MYO18A: variants seen among roughly 807,000 people sequenced by gnomAD.
MYO18A encodes myosin XVIIIA, also known as unconventional myosin-XVIIIa.
In MYO18A, 78 loss-of-function variants were observed where a neutral mutation model predicts 235.8. The ratio of observed to expected loss-of-function variants is 0.33; its 90% CI spans 0.28 to 0.40. The LOEUF (loss-of-function observed/expected upper bound fraction) is 0.40, where lower values mean the gene tolerates loss of function less well. Among genes scored for constraint, MYO18A ranks in the 10% least tolerant of loss-of-function variants. The pLI, the probability that MYO18A is intolerant of heterozygous loss-of-function variation, is 1.00. For missense variants in MYO18A, 2,215 were observed against 2,699.3 expected (o/e 0.82, Z 3.98); for synonymous variants, 977 against 1,077.8 (o/e 0.91, Z 1.83).
chr17:29,079,951 G>A (rs1466529347), intron 41 of MYO18A: 3 of 985,986 alleles, frequency 3.0e-6, no homozygotes, highest in Non-Finnish European at 3.6e-6. Flanking sequence ...CTTTCTTCTC[G>A]ACTTGGACTT....
chr17:29,127,483 C>T (rs2067350372), intron 2 of MYO18A, among the ~76,000 whole-genome samples: 1 of 152,184 alleles, frequency 6.6e-6, no homozygotes, highest in African/African-American at 2.4e-5. Flanking sequence ...AGCCCAGATC[C>T]CTGACTTGAG....
intron 2 of MYO18A, among the ~76,000 whole-genome samples, chr17:29,141,853 T>TG (rs371775970): frequency 3.3e-5 from 5 of 152,348 alleles, no homozygotes; most frequent in African/African-American, 1.2e-4. Flanking sequence ...CTGGGGAACT[T>TG]GAAAAAAATA....
At chr17:29,087,805 A>G (rs2066292442) in intron 37 of MYO18A, among the ~76,000 whole-genome samples, 3 of 151,724 alleles carry the variant, frequency 2.0e-5, no homozygotes, top group South Asian at 2.1e-4. Context: ...TTAACATCCT[A>G]TGAGTCTAAA....
intron 1 of MYO18A, among the ~76,000 whole-genome samples, chr17:29,169,673 G>A (rs1203673457): frequency 2.0e-5 from 3 of 152,136 alleles, no homozygotes; most frequent in African/African-American, 7.2e-5. Flanking sequence ...GATAACTCCA[G>A]GGGCACTTGT....
chr17:29,109,708 G>T lies in MYO18A; in HGVS notation c.3331+150C>A. ...AAATGGACAAAGGGGCTGTGGGCTG[G>T]GAGAGATGAGGAGAGACCAGAGCAG... On this transcript the variant is annotated intron_variant, in intron 19 of 41. Transcript: ENST00000527372. This position sits in a 1 kb window ranked among gnomAD's most constrained non-coding sequence, Gnocchi z 4.1. 1.0e-6 allele frequency: 1 copy of T among 993,516 alleles called. No individual in the cohort carries two copies. The highest frequency in any genetic ancestry group is 1.5e-6 in the Non-Finnish European group (1 of 679,500). 61.5% of individuals were successfully genotyped at this position (993,516 alleles called of 1,614,324 possible).
chr17:29,115,514 C>T, intron 12 of MYO18A, 73 bp from the exon 13 acceptor site: 1 of 1,548,566 alleles, frequency 6.5e-7, no homozygotes, highest in Admixed American at 1.9e-5. Flanking sequence ...CTGACCTGCC[C>T]AGGGCCCAGT....
intron 20 of MYO18A, among the ~76,000 whole-genome samples, chr17:29,105,942 T>G (rs1598310310): frequency 6.6e-6 from 1 of 151,870 alleles, no homozygotes; most frequent in African/African-American, 2.4e-5. Flanking sequence ...GCAGGCCAGG[T>G]GCTGCGGGAG....
rs137977217 is a variant in MYO18A at position 29,150,248 on chromosome 17, T to C, written c.999+15694A>G. Among the ~76,000 whole-genome samples the C allele has an allele frequency of 4.2e-3, 635 of 152,326 alleles. 3 individuals are homozygous for C. Among genetic ancestry groups the C allele is most frequent in the African/African-American group, 0.014 (595 of 41,566 alleles). Reference sequence around the variant, plus strand: ...GAAGTAAAAAATAAAGCACAAACCCTATGTCCATAGAAACAGGAAGAAGCA... The same window carrying C: ...GAAGTAAAAAATAAAGCACAAACCCCATGTCCATAGAAACAGGAAGAAGCA... On this transcript the variant is annotated intron_variant, in intron 2 of 41. Coordinates refer to ENST00000527372, the MANE Select transcript of MYO18A (RefSeq NM_078471.4).
chr17:29,083,523 C>T (rs60069424), intron 40 of MYO18A, among the ~76,000 whole-genome samples: 2,338 of 65,338 alleles, frequency 0.036, 88 homozygotes, highest in African/African-American at 0.15. Context: ...GGCATGTGTG[C>T]GCGCGCGCGC....
Position 29,111,740 on chromosome 17 carries a change from G to C in MYO18A, c.2722C>G (p.Gln908Glu). The C allele has an allele frequency of 6.2e-7, 1 of 1,613,616 alleles. No individual in the cohort carries two copies. Among genetic ancestry groups the C allele is most frequent in the Non-Finnish European group, 8.5e-7 (1 of 1,179,722 alleles). ...CACCTACCTTTTTTGTCACCTTCCT[G>C]GGGGCCATAATAGGAGAAAAGGCGC... The part of the protein sequence containing the change: ...LERLFSYYGP[Q>E]EGDKKGQSPL... Residue 908 changes from glutamine to glutamate, a missense_variant, in exon 16 of 42, where the codon CAG becomes GAG. Gln to Glu is a conservative substitution (Grantham distance 29, BLOSUM62 2). Coordinates refer to ENST00000527372, the MANE Select transcript of MYO18A (RefSeq NM_078471.4). The surrounding 1 kb of genome is among the most constrained non-coding windows in gnomAD (Gnocchi z 5.1).
chr17:29,165,969 G>C lies in MYO18A; in HGVS notation c.972C>G (p.Gly324=), dbSNP rs375495926. ...SELSRSWLRS[G]EGPRREPSDA... ...CGGATGGCTCCCTGCGAGGTCCCTC[G>C]CCGCTCCGCAGCCAGCTCCTGCTGA... The change falls in exon 2 of 42, where the codon GGC becomes GGG. Residue 324 remains glycine, a synonymous_variant. Coordinates refer to ENST00000527372, the MANE Select transcript of MYO18A (RefSeq NM_078471.4). The C allele has an allele frequency of 7.4e-6, 12 of 1,613,230 alleles. No individual in the cohort carries two copies. The Admixed American group carries it at 1.2e-4, about 16-fold the overall frequency.
intron 7 of MYO18A, 57 bp from the exon 8 acceptor site, chr17:29,119,492 C>T (rs547298058): frequency 2.2e-6 from 3 of 1,341,812 alleles, no homozygotes; most frequent in Admixed American, 2.0e-5. Context: ...AAGTTTCTCC[C>T]ACCCCACATA....
chr17:29,098,815 C>G lies in MYO18A; in HGVS notation c.3780+11G>C. ...TACCCAGAGACTTGGCCCTCTCAGG[C>G]TGTCACATACGTCTTTGTTCCGGAT... On this transcript the variant is annotated intron_variant, in intron 23 of 41. Coordinates refer to ENST00000527372, the MANE Select transcript of MYO18A (RefSeq NM_078471.4). 1 of 1,613,878 alleles carries G rather than the reference C, an allele frequency of 6.2e-7. No individual in the cohort carries two copies. The highest frequency in any genetic ancestry group is 1.3e-5 in the African/African-American group (1 of 75,054).
rs576069914 is a variant in MYO18A, at chr17:29,105,150, C to T, written c.3442-1486G>A. On this transcript the variant is annotated intron_variant, in intron 20 of 41. Coordinates refer to ENST00000527372, the MANE Select transcript of MYO18A (RefSeq NM_078471.4). The stretch of plus-strand genomic sequence containing the variant: ...TGGCGCCACTGCACTCCAGCTTGGG[C>T]GACAGAACGAGACTCTGTCTCAAAA... Among the ~76,000 whole-genome samples the T allele has an allele frequency of 8.7e-5, 11 of 127,120 alleles. No individual in the cohort carries two copies. The South Asian group carries it at 1.4e-3, about 16-fold the overall frequency. 83.4% of individuals were successfully genotyped at this position (127,120 alleles called of 152,430 possible).
rs991324995 is a variant in MYO18A, at chr17:29,107,172, C to T, written c.3349G>A (p.Val1117Met). Reference sequence around the variant, plus strand: ...AAGCGGCGGCGGAACTCGGAAAACACCATGTGGTCAGGGTAACCTAGAGAG... The same window carrying T: ...AAGCGGCGGCGGAACTCGGAAAACATCATGTGGTCAGGGTAACCTAGAGAG... ...MYRQGYPDHM[V>M]FSEFRRRFDV... The change falls in exon 20 of 42, where the codon GTG (valine) becomes ATG (methionine). Residue 1117 changes from valine to methionine, a missense_variant. Physicochemically the swap from Val to Met is conservative, Grantham distance 21. Transcript: ENST00000527372. 6.2e-7 allele frequency: 1 copy of T among 1,613,868 alleles called. No individual in the cohort carries two copies. Among genetic ancestry groups the T allele is most frequent in the African/African-American group, 1.3e-5 (1 of 74,924 alleles).
rs2066865112 is a variant in MYO18A, at chr17:29,109,094, C to T, written c.3331+764G>A. ...CTGTGGGTGGGTGGGACCCTACCTG[C>T]TCTTCTAGTGAAGGAGAAAAACAGC... On this transcript the variant is annotated intron_variant, in intron 19 of 41. Coordinates refer to ENST00000527372, the MANE Select transcript of MYO18A (RefSeq NM_078471.4). The surrounding 1 kb of genome is among the most constrained non-coding windows in gnomAD (Gnocchi z 4.1). Among the ~76,000 whole-genome samples the T allele has an allele frequency of 6.6e-6, 1 of 151,756 alleles. No homozygotes were observed.
At chr17:29,122,329 G>T in intron 2 of MYO18A, 76 bp from the exon 3 acceptor site, 1 of 1,361,256 alleles carries the variant, frequency 7.3e-7, no homozygotes, top group Non-Finnish European at 1.0e-6. Context: ...GGGGAGACAA[G>T]TGAGGGCATG....
Position 29,097,068 on chromosome 17 carries a change from C to T in MYO18A, c.4231-153G>A, listed in dbSNP as rs1006224892. 45 of 1,381,828 alleles carry T rather than the reference C, an allele frequency of 3.3e-5. 2 individuals carry two copies. The highest frequency in any genetic ancestry group is 5.0e-4 in the Middle Eastern group (2 of 4,038). 85.6% of individuals were successfully genotyped at this position (1,381,828 alleles called of 1,614,324 possible). ...CTGAAGAAGCTCTAATGATAGCTTGCTCCTGATTGCCCCTGCACCAAGAAG... is the reference window on the plus strand; with the variant it reads ...CTGAAGAAGCTCTAATGATAGCTTGTTCCTGATTGCCCCTGCACCAAGAAG... On this transcript the variant is annotated intron_variant, in intron 27 of 41. Coordinates refer to ENST00000527372, the MANE Select transcript of MYO18A (RefSeq NM_078471.4).
rs747286630 is a variant in MYO18A, at chr17:29,112,612, CCAAA to C, written c.2599-753_2599-750del. On this transcript the variant is annotated intron_variant, in intron 15 of 41. Transcript: ENST00000527372. ...TCTAATTTCCAATATCCCATGAAGGCCAAACAAACTAGGCCTGTGGCCACATCTG... is the reference window on the plus strand; with the variant it reads ...TCTAATTTCCAATATCCCATGAAGGCCAAACTAGGCCTGTGGCCACATCTG... Among the ~76,000 whole-genome samples, 7 of 152,350 alleles carry C rather than the reference CCAAA, an allele frequency of 4.6e-5. 1 individual carries two copies. In the South Asian group the frequency reaches 1.5e-3, roughly 32 times the overall value.
Sources: gnomAD v4.1 joint callset for allele counts (sites outside exome capture counted in the v4.1 genomes callset) on GRCh38, gnomAD v4.1.1 for gene constraint, Gnocchi (gnomAD v3.1) non-coding constraint, MANE v1.5 for transcripts, NCBI Gene and HGNC (gene_info 2026-07-23, HGNC 2026-07-21) for gene names.